LEKR1: variants seen among roughly 807,000 people sequenced by gnomAD.
The protein encoded by LEKR1 is leucine, glutamate and lysine rich 1, also known as protein LEKR1.
A neutral mutation model predicts 72.4 loss-of-function variants in LEKR1; 59 were observed. The ratio of observed to expected loss-of-function variants is 0.82; its 90% CI spans 0.66 to 1.01. LEKR1 has a LOEUF of 1.01. Ranked by LOEUF, LEKR1 falls within the 50% of genes least tolerant of loss-of-function variation. The pLI is 0.00. For synonymous variants in LEKR1, 257 were observed against 263.2 expected, an observed-to-expected ratio of 0.98 and a Z score of 0.23; for missense variants, 728 against 759.2, an observed-to-expected ratio of 0.96 and a Z score of 0.48.
chr3:156,901,520 A>C (rs1052400114), intron 3 of LEKR1, among the ~76,000 whole-genome samples: 1 of 152,210 alleles, frequency 6.6e-6, no homozygotes, highest in Non-Finnish European at 1.5e-5. Flanking sequence ...TTTTGAGTGA[A>C]TGATTTTTAG....
At chr3:156,981,981 T>C (rs1246373995) in intron 7 of LEKR1, among the ~76,000 whole-genome samples, 1 of 152,224 alleles carries the variant, frequency 6.6e-6, no homozygotes, top group East Asian at 1.9e-4. Flanking sequence ...GTTAATTCTT[T>C]GTGTTGTTTA....
chr3:156,884,087 C>G (rs1009397838), intron 3 of LEKR1, among the ~76,000 whole-genome samples: 2 of 152,156 alleles, frequency 1.3e-5, no homozygotes, highest in Non-Finnish European at 2.9e-5. Context: ...ATAAGAATAG[C>G]TATTCCTGCT....
intron 3 of LEKR1, among the ~76,000 whole-genome samples, chr3:156,861,276 A>G (rs950182574): frequency 6.6e-6 from 1 of 152,184 alleles, no homozygotes; most frequent in East Asian, 1.9e-4. Context: ...TATCTTTTAT[A>G]CATGTCTCAT....
At chr3:156,905,370 T>C (rs574309345) in intron 3 of LEKR1, among the ~76,000 whole-genome samples, 4 of 152,180 alleles carry the variant, frequency 2.6e-5, no homozygotes, top group Non-Finnish European at 4.4e-5. Context: ...TTTGAGTAAC[T>C]AAATTAGAAT....
At chr3:156,842,357 T>C (rs1714044565) in intron 2 of LEKR1, among the ~76,000 whole-genome samples, 1 of 151,958 alleles carries the variant, frequency 6.6e-6, no homozygotes, top group African/African-American at 2.4e-5. Context: ...GGCTTTTTTT[T>C]TTCTTTCTTG....
At chr3:156,849,826 A>G (rs1378148447) in intron 2 of LEKR1, among the ~76,000 whole-genome samples, 3 of 152,198 alleles carry the variant, frequency 2.0e-5, no homozygotes, top group African/African-American at 7.2e-5. Flanking sequence ...CCTAGGCAAT[A>G]CCATTCAGGA....
At chr3:156,971,875 A>C in intron 6 of LEKR1, among the ~76,000 whole-genome samples, 1 of 152,138 alleles carries the variant, frequency 6.6e-6, no homozygotes, top group Non-Finnish European at 1.5e-5. Context: ...AAATAGCAAC[A>C]CTTTTACACT....
chr3:157,013,906 A>C (rs2108024854), intron 10 of LEKR1, among the ~76,000 whole-genome samples: 1 of 152,264 alleles, frequency 6.6e-6, no homozygotes, highest in East Asian at 1.9e-4. Flanking sequence ...AAAAGTAGAT[A>C]GCAATTTGTG....
chr3:156,992,625 T>C (rs1161685808), intron 7 of LEKR1, 28 bp from the exon 8 acceptor site: 1 of 442,310 alleles, frequency 2.3e-6, no homozygotes, highest in Admixed American at 5.0e-5. Flanking sequence ...TGAAATAATA[T>C]ATTTTAACTT....
At chr3:156,899,697 TAC>T (rs1721780561) in intron 3 of LEKR1, among the ~76,000 whole-genome samples, 1 of 144,470 alleles carries the variant, frequency 6.9e-6, no homozygotes. Flanking sequence ...TACACATATA[TAC>T]ACGCATATAT....
intron 3 of LEKR1, among the ~76,000 whole-genome samples, chr3:156,865,242 A>G (rs1160877931): frequency 6.6e-6 from 1 of 151,968 alleles, no homozygotes; most frequent in Non-Finnish European, 1.5e-5. Flanking sequence ...GATTGCCTGG[A>G]TTTGAATCCT....
chr3:156,905,780 G>C (rs1230984015), intron 3 of LEKR1, among the ~76,000 whole-genome samples: 1 of 152,128 alleles, frequency 6.6e-6, no homozygotes, highest in African/African-American at 2.4e-5. Flanking sequence ...AATTTCAAAG[G>C]AGCAGGTATA....
intron 6 of LEKR1, among the ~76,000 whole-genome samples, chr3:156,970,457 T>C (rs1179353025): frequency 6.6e-6 from 1 of 152,176 alleles, no homozygotes; most frequent in Non-Finnish European, 1.5e-5. Flanking sequence ...GTTTTTATGG[T>C]TTTAGGTCTA....
chr3:156,899,382 A>ATG (rs1491543424), intron 3 of LEKR1, among the ~76,000 whole-genome samples: 1 of 114,582 alleles, frequency 8.7e-6, no homozygotes, highest in African/African-American at 3.6e-5. Flanking sequence ...ATATATACAC[A>ATG]TATATACATG....
chr3:156,870,549 T>C (rs545939032), intron 3 of LEKR1, among the ~76,000 whole-genome samples: 2 of 152,250 alleles, frequency 1.3e-5, no homozygotes, highest in South Asian at 4.1e-4. Flanking sequence ...TGTCCTGCAA[T>C]TTAACTATTT....
At chr3:156,826,699 C>G (rs62273902) in intron 1 of LEKR1, 4,812 of 155,702 alleles carry the variant, frequency 0.031, 110 homozygotes, top group Non-Finnish European at 0.047. Flanking sequence ...TAGAAAGGGA[C>G]AGATTTGAAA....
intron 10 of LEKR1, among the ~76,000 whole-genome samples, chr3:157,012,295 C>T (rs1199837702): frequency 5.9e-5 from 9 of 152,086 alleles, no homozygotes; most frequent in Admixed American, 5.9e-4. Flanking sequence ...TAGCACTGGC[C>T]TTCTGCCTTA....
Position 157,046,118 on chromosome 3 carries a change from T to C in LEKR1, c.*368T>C, listed in dbSNP as rs1470894640. The stretch of plus-strand genomic sequence containing the variant: ...GATATATTTCCACAAAAAAATAGAT[T>C]GTTTGAGATTTGTTGGTATGTGTTC... On this transcript the variant is annotated 3_prime_UTR_variant, in exon 13 of 13. Transcript: ENST00000356539. 5.4e-6 allele frequency: 1 copy of C among 184,794 alleles called. No homozygotes were observed. Among genetic ancestry groups the C allele is most frequent in the Non-Finnish European group, 1.1e-5 (1 of 88,500 alleles). 11.4% of individuals were successfully genotyped at this position (184,794 alleles called of 1,614,324 possible). A position where few individuals can be genotyped will look rare whatever the true frequency, so the allele number is the denominator to read the frequency against.
intron 12 of LEKR1, 66 bp downstream of exon 12, chr3:157,028,468 A>G: frequency 2.2e-6 from 3 of 1,364,698 alleles, no homozygotes; most frequent in Non-Finnish European, 3.0e-6. Context: ...ACAAACAAAC[A>G]AAAACGTGAA....
Sources: allele counts gnomAD v4.1 joint callset (sites outside exome capture counted in the v4.1 genomes callset), GRCh38; gene constraint gnomAD v4.1.1; transcripts MANE v1.5; gene names NCBI Gene and HGNC (gene_info 2026-07-23, HGNC 2026-07-21).